DNAJC9: variants seen among roughly 807,000 people sequenced by gnomAD.
DNAJC9 encodes DnaJ heat shock protein family (Hsp40) member C9, also known as dnaJ homolog subfamily C member 9.
In DNAJC9, 18 loss-of-function variants were observed where a neutral mutation model predicts 32.4. That is an observed-to-expected ratio of 0.56 (90% CI 0.38 to 0.82). The LOEUF is 0.82. DNAJC9 is among the 40% of genes least tolerant of loss of function. The probability of loss-of-function intolerance (pLI) is 0.00; values close to 1 mark genes in which losing one functional copy is unlikely to be tolerated. For missense variants in DNAJC9, 310 were observed against 321.8 expected, an observed-to-expected ratio of 0.96 and a Z score of 0.28; for synonymous variants, 113 against 122.1, an observed-to-expected ratio of 0.93 and a Z score of 0.49.
chr10:73,247,077 A>C lies in DNAJC9; in HGVS notation c.113T>G (p.Val38Gly), dbSNP rs1353246427. 6.3e-7 allele frequency: 1 copy of C among 1,592,656 alleles called. No individual in the cohort carries two copies. Among genetic ancestry groups the C allele is most frequent in the African/African-American group, 1.3e-5 (1 of 74,324 alleles). Residue 38 changes from valine to glycine, a missense_variant, in exon 1 of 5, where the codon GTG becomes GGG. Coordinates refer to ENST00000372950, the MANE Select transcript of DNAJC9 (RefSeq NM_015190.5). ...CCGGTCCGGGTGTACCTGCAGGGACACCTTGTGGTAGCCTCGTCGGACCTC... is the reference window on the plus strand; with the variant it reads ...CCGGTCCGGGTGTACCTGCAGGGACCCCTTGTGGTAGCCTCGTCGGACCTC... Reference protein sequence around the residue: ...DGEVRRGYHKVSLQVHPDRVG... With the variant: ...DGEVRRGYHKGSLQVHPDRVG...
intron 3 of DNAJC9, among the ~76,000 whole-genome samples, chr10:73,244,762 G>C (rs1031995744): frequency 6.7e-6 from 1 of 150,266 alleles, no homozygotes; most frequent in Non-Finnish European, 1.5e-5. Context: ...GAACACCTTA[G>C]GGCAACAACT....
intron 2 of DNAJC9, 90 bp downstream of exon 2, chr10:73,246,598 A>G: frequency 6.9e-7 from 1 of 1,455,072 alleles, no homozygotes; most frequent in South Asian, 1.2e-5. Flanking sequence ...TACAAAATTA[A>G]CACAAAATAC....
downstream of DNAJC9, among the ~76,000 whole-genome samples, chr10:73,233,952 A>T (rs1467613220): frequency 6.6e-6 from 1 of 152,080 alleles, no homozygotes; most frequent in East Asian, 1.9e-4. Context: ...ATCCCTTAGC[A>T]CTTCCTAGGA....
chr10:73,241,014 C>T (rs748418113), downstream of DNAJC9: 3 of 1,530,038 alleles, frequency 2.0e-6, no homozygotes, highest in South Asian at 3.6e-5. Flanking sequence ...CAGGCAGGGA[C>T]CATAAGGCAA....
chr10:73,234,759 C>T, downstream of DNAJC9: 1 of 1,523,206 alleles, frequency 6.6e-7, no homozygotes, highest in Non-Finnish European at 8.9e-7. Flanking sequence ...AATCAATTTG[C>T]TGGTATTGTT....
downstream of DNAJC9, among the ~76,000 whole-genome samples, chr10:73,240,065 C>T (rs2043907173): frequency 6.6e-6 from 1 of 152,264 alleles, no homozygotes. Flanking sequence ...GCTAGGGCTA[C>T]AAGCAGTGCC....
At chr10:73,239,840 A>G (rs1185421804), downstream of DNAJC9, among the ~76,000 whole-genome samples, 1 of 152,256 alleles carries the variant, frequency 6.6e-6, no homozygotes, top group Non-Finnish European at 1.5e-5. Flanking sequence ...CCATCAGGAT[A>G]TGCTGAGTCT....
chr10:73,239,106 A>G (rs2043887644), downstream of DNAJC9: 5 of 504,056 alleles, frequency 9.9e-6, no homozygotes, highest in Non-Finnish European at 1.8e-5. Flanking sequence ...AGAATCTGCA[A>G]TTTTTACAAT....
chr10:73,239,706 T>A (rs1307990703), downstream of DNAJC9, among the ~76,000 whole-genome samples: 1 of 152,144 alleles, frequency 6.6e-6, no homozygotes, highest in African/African-American at 2.4e-5. Flanking sequence ...CTTGTTGTAA[T>A]GTTCAAAATA....
chr10:73,239,346 A>G, downstream of DNAJC9: 1 of 1,551,680 alleles, frequency 6.4e-7, no homozygotes, highest in Non-Finnish European at 8.7e-7. Flanking sequence ...TGTGCAGTTG[A>G]GTATCCTCAT....
chr10:73,246,938 C>T, intron 1 of DNAJC9, 72 bp downstream of exon 1: 1 of 1,572,442 alleles, frequency 6.4e-7, no homozygotes, highest in South Asian at 1.2e-5. Context: ...TCCCCCGGGG[C>T]GGGGCCCGGT....
intron 3 of DNAJC9, chr10:73,244,174 C>T (rs2133426328): frequency 6.1e-6 from 3 of 490,202 alleles, no homozygotes; most frequent in Non-Finnish European, 1.1e-5. Flanking sequence ...AGTAAGTACT[C>T]TGGCACTCAT....
At position 73,243,308 on chromosome 10, in the gene DNAJC9, A is replaced by G. The variant is rs2043974420; in HGVS notation, c.*92T>C. ...GGCTGGAAAGACACCTTTTCTCAAGAGCTGAATTGACTTTTGCCTTCAAAT... is the reference window on the plus strand; with the variant it reads ...GGCTGGAAAGACACCTTTTCTCAAGGGCTGAATTGACTTTTGCCTTCAAAT... On this transcript the variant is annotated 3_prime_UTR_variant, in exon 5 of 5. Transcript: ENST00000372950. 7.0e-7 allele frequency: 1 copy of G among 1,434,652 alleles called. No homozygotes were observed. Among genetic ancestry groups the G allele is most frequent in the Non-Finnish European group, 9.6e-7 (1 of 1,044,718 alleles). The allele number at this position is 1,434,652 out of a possible 1,614,324, so 88.9% of individuals were successfully genotyped here.
At position 73,246,026 on chromosome 10, in the gene DNAJC9, T is replaced by C; in HGVS notation, c.472A>G (p.Arg158Gly). The C allele has an allele frequency of 6.2e-7, 1 of 1,613,804 alleles. No homozygotes were observed. The stretch of plus-strand genomic sequence containing the variant: ...GCTTGCTGAATGATATTCCTTATCC[T>C]GGGTTCCTCTGTGTACTGCACGCAA... Reference protein sequence around the residue: ...VLCVQYTEEPRIRNIIQQAID... With the variant: ...VLCVQYTEEPGIRNIIQQAID... Residue 158 changes from arginine (R) to glycine (G), a missense_variant, in exon 3 of 5, where the codon AGG becomes GGG. Arg to Gly is a moderately radical substitution (Grantham distance 125). Transcript: ENST00000372950.
Position 73,243,926 on chromosome 10 carries a change from G to C in DNAJC9, c.580C>G (p.Gln194Glu). ...QKMNARKRRA[Q>E]EEAKEAEMSR... ...ATTTCTGCTTCTTTGGCCTCTTCCT[G>C]AGCCTGAAACAGGAACTCACATGAG... is the stretch of plus-strand genomic sequence containing the variant. The change falls in exon 4 of 5, where the codon CAG becomes GAG. Residue 194 changes from glutamine (Q) to glutamate (E), a missense_variant. Gln to Glu is a conservative substitution (Grantham distance 29). Coordinates refer to ENST00000372950, the MANE Select transcript of DNAJC9 (RefSeq NM_015190.5). 6.2e-7 allele frequency: 1 copy of C among 1,613,898 alleles called. No homozygotes were observed. The highest frequency in any genetic ancestry group is 8.5e-7 in the Non-Finnish European group (1 of 1,179,958).
chr10:73,233,283 T>G, intron 2 of DNAJC9: 1 of 725,128 alleles, frequency 1.4e-6, no homozygotes, highest in South Asian at 1.8e-5. Flanking sequence ...AGTAGTCTTA[T>G]GACAGATTGC....
In DNAJC9 at chr10:73,243,914, T is replaced by C. The variant is rs138208732; in HGVS notation, c.592A>G (p.Lys198Glu). ...ARKRRAQEEA[K>E]EAEMSRKELG... ...TCCTTTCTGCTCATTTCTGCTTCTT[T>C]GGCCTCTTCCTGAGCCTGAAACAGG... Residue 198 changes from lysine (K) to glutamate (E), a missense_variant, in exon 4 of 5, where the codon AAA becomes GAA. Lys to Glu is a moderately conservative substitution (Grantham distance 56). Transcript: ENST00000372950. 6 of 1,614,170 alleles carry C rather than the reference T, an allele frequency of 3.7e-6. No individual in the cohort carries two copies. The African/African-American group carries it at 5.3e-5, about 14-fold the overall frequency.
intron 2 of DNAJC9, 141 bp downstream of exon 2, chr10:73,246,547 T>C (rs1460233803): frequency 1.1e-6 from 1 of 917,716 alleles, no homozygotes; most frequent in Admixed American, 2.4e-5. Flanking sequence ...TAAGCGTGCG[T>C]GTATCTGTAT....
intron 2 of DNAJC9, among the ~76,000 whole-genome samples, chr10:73,233,453 C>A (rs1564715842): frequency 6.6e-6 from 1 of 152,034 alleles, no homozygotes; most frequent in African/African-American, 2.4e-5. Context: ...GTTCTCCCAC[C>A]CCAGCCTCTC....
Sources: allele counts gnomAD v4.1 joint callset (sites outside exome capture counted in the v4.1 genomes callset), GRCh38; gene constraint gnomAD v4.1.1; transcripts MANE v1.5; gene names NCBI Gene and HGNC (gene_info 2026-07-23, HGNC 2026-07-21).